Variants in CSMD1 observed in about 807,000 individuals in gnomAD.
CSMD1 encodes CUB and sushi domain-containing protein 1.
A neutral mutation model predicts 417.5 loss-of-function variants in CSMD1; 213 were observed. That is an observed-to-expected ratio of 0.51 (90% CI 0.46 to 0.57). The LOEUF is 0.57. CSMD1 is among the 20% of genes least tolerant of loss of function. The pLI, the probability that CSMD1 is intolerant of heterozygous loss-of-function variation, is 0.00. For synonymous variants in CSMD1, 2,862 were observed against 1,736.8 expected (o/e 1.65, Z -16.11); for missense variants, 6,923 against 4,529.7 (o/e 1.53, Z -15.17).
intron 2 of CSMD1, among the ~76,000 whole-genome samples, chr8:4,494,829 A>C (rs896111426): frequency 2.0e-5 from 3 of 152,222 alleles, no homozygotes; most frequent in East Asian, 1.9e-4. Flanking sequence ...GAATAAACTT[A>C]GAAAATAGAG....
chr8:3,426,067 T>C (rs1249964036), intron 12 of CSMD1, among the ~76,000 whole-genome samples: 2 of 152,208 alleles, frequency 1.3e-5, no homozygotes, highest in African/African-American at 4.8e-5. Flanking sequence ...TGATAATCTG[T>C]GAAAATGTAA....
intron 3 of CSMD1, among the ~76,000 whole-genome samples, chr8:4,299,866 T>C (rs1797886895): frequency 6.6e-6 from 1 of 152,112 alleles, no homozygotes. Flanking sequence ...CCTGACTTCA[T>C]GATCTGCCCA....
intron 26 of CSMD1, among the ~76,000 whole-genome samples, chr8:3,233,796 G>A (rs749397244): frequency 1.3e-5 from 2 of 152,130 alleles, no homozygotes; most frequent in African/African-American, 4.8e-5. Flanking sequence ...TGCTTTGAAG[G>A]TACACCCATC....
At chr8:4,750,340 G>T (rs956164920) in intron 1 of CSMD1, among the ~76,000 whole-genome samples, 1 of 152,160 alleles carries the variant, frequency 6.6e-6, no homozygotes, top group Non-Finnish European at 1.5e-5. Context: ...TCTAGAAACT[G>T]CTGAACAGAA....
intron 4 of CSMD1, among the ~76,000 whole-genome samples, chr8:4,008,218 C>A (rs1816278794): frequency 6.6e-6 from 1 of 151,928 alleles, no homozygotes; most frequent in South Asian, 2.1e-4. Flanking sequence ...GTTCAAGTTC[C>A]ATCAAGTTCA....
chr8:3,842,472 C>T (rs551712935), intron 5 of CSMD1, among the ~76,000 whole-genome samples: 2 of 151,998 alleles, frequency 1.3e-5, no homozygotes, highest in African/African-American at 4.8e-5. Context: ...TTGTTCATTA[C>T]TAGTATTAAA....
At chr8:4,992,943 T>C (rs964880752) in intron 1 of CSMD1, among the ~76,000 whole-genome samples, 1 of 152,132 alleles carries the variant, frequency 6.6e-6, no homozygotes, top group African/African-American at 2.4e-5. Context: ...GAGGAGCTGG[T>C]GCTGAGCGGT....
At chr8:3,341,548 A>G (rs1807652482) in intron 23 of CSMD1, among the ~76,000 whole-genome samples, 1 of 152,182 alleles carries the variant, frequency 6.6e-6, no homozygotes, top group African/African-American at 2.4e-5. Flanking sequence ...TGAAGCAGCC[A>G]CAGGAAGGGA....
At chr8:4,060,425 T>G (rs544667528) in intron 3 of CSMD1, among the ~76,000 whole-genome samples, 41 of 152,256 alleles carry the variant, frequency 2.7e-4, no homozygotes, top group African/African-American at 9.9e-4. Flanking sequence ...TTCAACATAG[T>G]GTTGGAAGTT....
chr8:4,632,707 C>T lies in CSMD1; in HGVS notation c.302+4635G>A, dbSNP rs183906226. Among the ~76,000 whole-genome samples the T allele has an allele frequency of 1.2e-3, 185 of 152,256 alleles. 2 individuals are homozygous for T. In the Middle Eastern group the frequency reaches 0.014, roughly 11 times the overall value. On this transcript the variant is annotated intron_variant, in intron 2 of 69. Coordinates refer to ENST00000635120, the MANE Select transcript of CSMD1 (RefSeq NM_033225.6). The stretch of plus-strand genomic sequence containing the variant: ...TCAAAGGAGTACAGGCTTCCAATTG[C>T]AGTAGGTGGCCAGTGTTACAGGAGT...
intron 2 of CSMD1, among the ~76,000 whole-genome samples, chr8:4,624,821 C>A (rs955577566): frequency 6.6e-6 from 1 of 152,150 alleles, no homozygotes; most frequent in African/African-American, 2.4e-5. Flanking sequence ...ACACAGACCT[C>A]AGAGTCCACA....
At chr8:3,726,195 C>G (rs1802485274) in intron 6 of CSMD1, among the ~76,000 whole-genome samples, 1 of 152,134 alleles carries the variant, frequency 6.6e-6, no homozygotes, top group Non-Finnish European at 1.5e-5. Flanking sequence ...TGGAACTCAG[C>G]CTCCGTTGCC....
chr8:4,244,571 C>T (rs17334599), intron 3 of CSMD1, among the ~76,000 whole-genome samples: 1,895 of 151,844 alleles, frequency 0.012, 19 homozygotes, highest in Non-Finnish European at 0.019. Flanking sequence ...GAAAATACTG[C>T]GTAAATATCA....
chr8:2,950,856 G>A (rs966961013), intron 66 of CSMD1, among the ~76,000 whole-genome samples: 1 of 152,094 alleles, frequency 6.6e-6, no homozygotes, highest in Non-Finnish European at 1.5e-5. Flanking sequence ...ATCTGTATAC[G>A]AATCTCAGAT....
intron 11 of CSMD1, among the ~76,000 whole-genome samples, chr8:3,481,365 G>C (rs1817741158): frequency 6.6e-6 from 1 of 152,076 alleles, no homozygotes; most frequent in South Asian, 2.1e-4. Flanking sequence ...CTTAATGATT[G>C]AAACAACAAT....
chr8:4,204,405 T>C (rs567876057), intron 3 of CSMD1, among the ~76,000 whole-genome samples: 19 of 152,306 alleles, frequency 1.2e-4, no homozygotes, highest in African/African-American at 3.6e-4. Flanking sequence ...TTAGGAAAGA[T>C]AGAAACCCAA....
At position 2,961,228 on chromosome 8, in the gene CSMD1, T is replaced by C; in HGVS notation, c.9629-14A>G. 1 of 1,566,658 alleles carries C rather than the reference T, an allele frequency of 6.4e-7. No homozygotes were observed. The highest frequency in any genetic ancestry group is 1.2e-5 in the South Asian group (1 of 86,182). ...TATGAGCAGGATCTGAAATTTGTGA[T>C]TTAAAAAGAAAAGAGGGCACCAGAT... is the stretch of plus-strand genomic sequence containing the variant. On this transcript the variant is annotated splice_polypyrimidine_tract_variant and intron_variant, in intron 61 of 69. Coordinates refer to ENST00000635120, the MANE Select transcript of CSMD1 (RefSeq NM_033225.6).
chr8:3,139,572 G>T (rs571049414), intron 41 of CSMD1, among the ~76,000 whole-genome samples: 1 of 152,140 alleles, frequency 6.6e-6, no homozygotes, highest in African/African-American at 2.4e-5. Flanking sequence ...TAAATAGATA[G>T]GAGAAGTGAA....
intron 26 of CSMD1, among the ~76,000 whole-genome samples, chr8:3,266,386 A>G (rs1347666871): frequency 6.6e-6 from 1 of 151,746 alleles, no homozygotes; most frequent in Admixed American, 6.6e-5. Flanking sequence ...CGGGTGGATC[A>G]CCTGAGACTA....
Sources: gnomAD v4.1 joint callset for allele counts (sites outside exome capture counted in the v4.1 genomes callset) on GRCh38, gnomAD v4.1.1 for gene constraint, MANE v1.5 for transcripts, NCBI Gene and HGNC (gene_info 2026-07-23, HGNC 2026-07-21) for gene names.